TRAPPC12: variants seen among roughly 807,000 people sequenced by gnomAD.
TRAPPC12 encodes TPR repeat protein 15.
A neutral mutation model predicts 69.2 loss-of-function variants in TRAPPC12; 61 were observed. The observed-to-expected ratio is 0.88, with a 90% CI of 0.72 to 1.09. The LOEUF is 1.09. Ranked by LOEUF, TRAPPC12 falls within the 50% of genes least tolerant of loss-of-function variation. TRAPPC12 has a pLI of 0.00. For missense variants in TRAPPC12, 1,101 were observed against 1,016.4 expected, an observed-to-expected ratio of 1.08 and a Z score of -1.13; for synonymous variants, 469 against 438.9, an observed-to-expected ratio of 1.07 and a Z score of -0.86.
At chr2:3,387,595 G>A (rs774806610) in intron 1 of TRAPPC12, 25 bp from the exon 2 acceptor site, 7 of 1,492,530 alleles carry the variant, frequency 4.7e-6, no homozygotes, top group Non-Finnish European at 5.4e-6. Context: ...ACGCTCAGGG[G>A]CCTTCTCTCT....
At chr2:3,454,766 T>C (rs1465938088) in intron 6 of TRAPPC12, 2 of 152,384 alleles carry the variant, frequency 1.3e-5, no homozygotes, top group South Asian at 2.1e-4. Context: ...ACAGGGAACG[T>C]CAGCCCCAGC....
chr2:3,443,943 C>A, intron 6 of TRAPPC12, 52 bp downstream of exon 6: 1 of 1,374,808 alleles, frequency 7.3e-7, no homozygotes, highest in Non-Finnish European at 1.0e-6. Flanking sequence ...GCCCTCCACG[C>A]CCTCCCCACA....
Position 3,388,320 on chromosome 2 carries a change from A to G in TRAPPC12, c.697A>G (p.Ile233Val). 2 of 1,603,740 alleles carry G rather than the reference A, an allele frequency of 1.2e-6. No individual in the cohort carries two copies. Among genetic ancestry groups the G allele is most frequent in the East Asian group, 2.3e-5 (1 of 43,868 alleles). ...CGACTCCTTTACTACCTCCGCCTTC[A>G]TTTCCGTCAGCAATCCCGGCGCGGG... ...FFDSFTTSAF[I>V]SVSNPGAGSP... is the part of the protein sequence containing the mutation. Residue 233 changes from isoleucine (I) to valine (V), a missense_variant, in exon 2 of 12, where the codon ATT becomes GTT. By Grantham distance (29) the Ile-to-Val change is conservative (BLOSUM62 3). Coordinates refer to ENST00000324266, the MANE Select transcript of TRAPPC12 (RefSeq NM_016030.6).
In TRAPPC12 at chr2:3,408,301, C is replaced by T. The variant is rs190676269; in HGVS notation, c.1164+6408C>T. Among the ~76,000 whole-genome samples, 30 of 152,262 alleles carry T rather than the reference C, an allele frequency of 2.0e-4. 1 individual carries two copies. In the East Asian group the frequency reaches 4.6e-3, roughly 24 times the overall value. ...GGGTAGGCAGCACACATTGTTGATT[C>T]GAACGTGAATTGTCTTGCAGAGCAA... On this transcript the variant is annotated intron_variant, in intron 3 of 11. Transcript: ENST00000324266.
intron 7 of TRAPPC12, among the ~76,000 whole-genome samples, chr2:3,459,472 C>A (rs1006428486): frequency 1.3e-5 from 2 of 152,198 alleles, no homozygotes; most frequent in Non-Finnish European, 2.9e-5. Context: ...CACCCTCCCC[C>A]CAGGGCAGCT....
At chr2:3,430,582 G>C (rs1330104738) in intron 5 of TRAPPC12, among the ~76,000 whole-genome samples, 2 of 152,200 alleles carry the variant, frequency 1.3e-5, no homozygotes, top group African/African-American at 4.8e-5. Context: ...TCCTTCATCT[G>C]TTTTGTATTT....
intron 6 of TRAPPC12, among the ~76,000 whole-genome samples, chr2:3,445,050 A>G (rs1664435462): frequency 6.6e-6 from 1 of 152,230 alleles, no homozygotes; most frequent in African/African-American, 2.4e-5. Flanking sequence ...TTTCTAAACT[A>G]TACGAATTTT....
chr2:3,464,185 T>TCACA (rs139564157), intron 8 of TRAPPC12, among the ~76,000 whole-genome samples: 5,227 of 151,898 alleles, frequency 0.034, 261 homozygotes, highest in African/African-American at 0.12. Flanking sequence ...TACACAATGC[T>TCACA]CACACACGCT....
At chr2:3,423,322 T>TTGTG (rs34767789) in intron 4 of TRAPPC12, among the ~76,000 whole-genome samples, 38,295 of 148,972 alleles carry the variant, frequency 0.26, 4,896 homozygotes, top group African/African-American at 0.33. Context: ...TCGCATGCCT[T>TTGTG]TGTGTGTGTG....
At chr2:3,452,535 C>G (rs56859379) in intron 6 of TRAPPC12, among the ~76,000 whole-genome samples, 19,327 of 152,222 alleles carry the variant, frequency 0.13, 1,642 homozygotes, top group East Asian at 0.41. Flanking sequence ...GGACAGGCTC[C>G]CCTGCCTCCA....
intron 1 of TRAPPC12, among the ~76,000 whole-genome samples, chr2:3,384,407 G>A (rs997685628): frequency 1.3e-5 from 2 of 152,140 alleles, no homozygotes; most frequent in African/African-American, 4.8e-5. Flanking sequence ...TAAAGAGAAT[G>A]CTTTAAACGT....
At chr2:3,443,325 C>T (rs1664325611) in intron 5 of TRAPPC12, among the ~76,000 whole-genome samples, 1 of 152,246 alleles carries the variant, frequency 6.6e-6, no homozygotes, top group Admixed American at 6.5e-5. Context: ...TTCCCGGGAG[C>T]ACTTCCGGAA....
intron 2 of TRAPPC12, among the ~76,000 whole-genome samples, chr2:3,399,312 C>G (rs1027091489): frequency 1.3e-5 from 2 of 152,184 alleles, no homozygotes; most frequent in Non-Finnish European, 2.9e-5. Flanking sequence ...CAGCTCGCTG[C>G]CCCCCTGGCT....
chr2:3,473,388 C>G (rs536553313), intron 9 of TRAPPC12, among the ~76,000 whole-genome samples: 1 of 152,356 alleles, frequency 6.6e-6, no homozygotes, highest in African/African-American at 2.4e-5. Flanking sequence ...AACAGTTTTT[C>G]TGATAAGCTT....
chr2:3,478,994 C>T, intron 11 of TRAPPC12, 61 bp downstream of exon 11: 3 of 1,545,958 alleles, frequency 1.9e-6, no homozygotes, highest in Non-Finnish European at 2.7e-6. Context: ...TAGAAACATA[C>T]ACCCACACAC....
Position 3,434,724 on chromosome 2 carries a change from C to A in TRAPPC12, c.1418-9055C>A, listed in dbSNP as rs530055031. On this transcript the variant is annotated intron_variant, in intron 5 of 11. Transcript: ENST00000324266. Reference sequence around the variant, plus strand: ...CTTCCAGCTGACAGTCTCTGCAGAGCGGCTGCCAAGTGGCCTGGTGGCCGT... The same window carrying A: ...CTTCCAGCTGACAGTCTCTGCAGAGAGGCTGCCAAGTGGCCTGGTGGCCGT... Among the ~76,000 whole-genome samples, 185 of 152,308 alleles carry A rather than the reference C, an allele frequency of 1.2e-3. 1 individual carries two copies. The highest frequency in any genetic ancestry group is 4.3e-3 in the African/African-American group (177 of 41,564).
At chr2:3,383,890 T>TGAGA (rs1558335060) in intron 1 of TRAPPC12, among the ~76,000 whole-genome samples, 10 of 23,330 alleles carry the variant, frequency 4.3e-4, no homozygotes, top group Non-Finnish European at 7.0e-4. Context: ...TTTTTTTTTT[T>TGAGA]TTTTTTTTTT....
intron 2 of TRAPPC12, among the ~76,000 whole-genome samples, chr2:3,399,815 G>A (rs10153849): frequency 2.1e-5 from 3 of 141,706 alleles, no homozygotes; most frequent in South Asian, 2.4e-4. Flanking sequence ...CGCTCCCCCC[G>A]CCACCGCCCC....
rs190962873 is a variant in TRAPPC12 at position 3,408,919 on chromosome 2, C to T, written c.1164+7026C>T. On this transcript the variant is annotated intron_variant, in intron 3 of 11. Coordinates refer to ENST00000324266, the MANE Select transcript of TRAPPC12 (RefSeq NM_016030.6). ...TGCCGCCCTGGATATCCCACACGTG[C>T]ACCTGTTCCCACACACGCTCCTTTC... Among the ~76,000 whole-genome samples, 279 of 152,330 alleles carry T rather than the reference C, an allele frequency of 1.8e-3. 1 individual carries two copies. Among genetic ancestry groups the T allele is most frequent in the Middle Eastern group, 6.8e-3 (2 of 294 alleles).
Sources: allele counts gnomAD v4.1 joint callset (sites outside exome capture counted in the v4.1 genomes callset), GRCh38; gene constraint gnomAD v4.1.1; transcripts MANE v1.5; gene names NCBI Gene and HGNC (gene_info 2026-07-23, HGNC 2026-07-21).